Variants in FRMD5 observed in about 807,000 individuals in gnomAD.
FRMD5 encodes the protein FERM domain-containing protein 5.
Under a neutral mutation model 69.0 loss-of-function variants are expected in FRMD5, and 20 were observed. The observed-to-expected ratio is 0.29, with a 90% CI of 0.20 to 0.42. The LOEUF (loss-of-function observed/expected upper bound fraction) is 0.42, where lower values mean the gene tolerates loss of function less well. FRMD5 is among the 10% of genes least tolerant of loss of function. The pLI, the probability that FRMD5 is intolerant of heterozygous loss-of-function variation, is 1.00. For synonymous variants in FRMD5, 271 were observed against 260.1 expected (o/e 1.04, Z -0.40); for missense variants, 595 against 708.6 (o/e 0.84, Z 1.82).
intron 13 of FRMD5, chr15:43,879,461 C>T (rs1258814641): frequency 2.3e-5 from 9 of 398,826 alleles, no homozygotes; most frequent in South Asian, 1.3e-4. Flanking sequence ...GAAGGATCTG[C>T]GCTAACTGGC....
At chr15:43,991,771 C>T (rs760073829) in intron 1 of FRMD5, among the ~76,000 whole-genome samples, 14 of 152,336 alleles carry the variant, frequency 9.2e-5, no homozygotes, top group Admixed American at 4.6e-4. Context: ...GTTCTCCATT[C>T]TCCTGTTTTC....
chr15:43,955,498 T>G (rs142730877), intron 1 of FRMD5, among the ~76,000 whole-genome samples: 1 of 152,182 alleles, frequency 6.6e-6, no homozygotes, highest in East Asian at 1.9e-4. Flanking sequence ...TTCTTATTGA[T>G]GAGATTTCTA....
chr15:43,993,071 T>A (rs1301009166), intron 1 of FRMD5, among the ~76,000 whole-genome samples: 1 of 152,238 alleles, frequency 6.6e-6, no homozygotes, highest in African/African-American at 2.4e-5. Context: ...CTAAAATTCC[T>A]CCAGTTCTTA....
At chr15:43,972,230 C>T (rs530070468) in intron 1 of FRMD5, among the ~76,000 whole-genome samples, 244 of 151,964 alleles carry the variant, frequency 1.6e-3, no homozygotes, top group Non-Finnish European at 2.6e-3. Context: ...CAACCAACTC[C>T]ATCTCTCTCT....
chr15:44,195,142 C>T lies in FRMD5; in HGVS notation c.-88G>A. ...CAGCCCGGCAGCTCCGCACCGACCCCAGGCACCTGCACCATCACCCCGGCC... is the reference window on the plus strand; with the variant it reads ...CAGCCCGGCAGCTCCGCACCGACCCTAGGCACCTGCACCATCACCCCGGCC... On this transcript the variant is annotated 5_prime_UTR_variant, in exon 1 of 14. Transcript: ENST00000417257. 9.7e-7 allele frequency: 1 copy of T among 1,027,008 alleles called. No homozygotes were observed. The highest frequency in any genetic ancestry group is 1.6e-5 in the South Asian group (1 of 60,708). 63.6% of individuals were successfully genotyped at this position (1,027,008 alleles called of 1,614,324 possible).
In FRMD5 at chr15:43,951,980, TTGTGTGTGTGTGTGTGTGTC is replaced by T. The variant is rs1394405491; in HGVS notation, c.103-27691_103-27672del. 4.5e-4 allele frequency among the ~76,000 whole-genome samples: 49 copies of T among 107,728 alleles called. No individual in the cohort carries two copies. The East Asian group carries it at 6.8e-3, about 15-fold the overall frequency. The allele number at this position is 107,728 out of a possible 152,430, so 70.7% of individuals were successfully genotyped here. On this transcript the variant is annotated intron_variant, in intron 1 of 13. Transcript: ENST00000417257. ...ATGTGCATGTGTGTGTGTGTGTGTG[TTGTGTGTGTGTGTGTGTGTC>T]TGTGTGTGTGTGTGTGTGTGTGTGT...
chr15:43,872,914 G>A lies in FRMD5; in HGVS notation c.*971C>T, dbSNP rs1182773854. 5.7e-5 allele frequency: 25 copies of A among 442,404 alleles called. No individual in the cohort carries two copies. The highest frequency in any genetic ancestry group is 1.2e-4 in the South Asian group (2 of 17,240). The allele number at this position is 442,404 out of a possible 1,614,324, so 27.4% of individuals were successfully genotyped here. A position where few individuals can be genotyped will look rare whatever the true frequency, so the allele number is the denominator to read the frequency against. ...TTGAAATAGTCTTTGGGTCAAGGGG[G>A]TGTATATAAAATAAGCACTGCTATC... On this transcript the variant is annotated 3_prime_UTR_variant, in exon 14 of 14. Coordinates refer to ENST00000417257, the MANE Select transcript of FRMD5 (RefSeq NM_032892.5).
At chr15:44,179,231 C>T (rs1051202732) in intron 1 of FRMD5, among the ~76,000 whole-genome samples, 9 of 152,106 alleles carry the variant, frequency 5.9e-5, no homozygotes, top group African/African-American at 2.2e-4. Context: ...AATATAATTA[C>T]TAGAACTCTA....
chr15:44,074,165 T>C (rs951243837), intron 1 of FRMD5, among the ~76,000 whole-genome samples: 11 of 152,196 alleles, frequency 7.2e-5, no homozygotes, highest in Non-Finnish European at 1.6e-4. Context: ...AATGAGTAGT[T>C]TAGACAATAT....
chr15:43,873,323 T>A lies in FRMD5; in HGVS notation c.*562A>T. ...CATTCTACATGGATGTTTACTTTTTTAAAAGTTCTGGCTGGCAAAAAAAAC... is the reference window on the plus strand; with the variant it reads ...CATTCTACATGGATGTTTACTTTTTAAAAAGTTCTGGCTGGCAAAAAAAAC... On this transcript the variant is annotated 3_prime_UTR_variant, in exon 14 of 14. Coordinates refer to ENST00000417257, the MANE Select transcript of FRMD5 (RefSeq NM_032892.5). 6 of 1,502,252 alleles carry A rather than the reference T, an allele frequency of 4.0e-6. No individual in the cohort carries two copies. Among genetic ancestry groups the A allele is most frequent in the Admixed American group, 2.4e-5 (1 of 41,866 alleles). 93.1% of individuals were successfully genotyped at this position (1,502,252 alleles called of 1,614,324 possible). A position where few individuals can be genotyped will look rare whatever the true frequency, so the allele number is the denominator to read the frequency against.
At chr15:44,132,482 G>A (rs2077115822) in intron 1 of FRMD5, among the ~76,000 whole-genome samples, 1 of 152,142 alleles carries the variant, frequency 6.6e-6, no homozygotes, top group Non-Finnish European at 1.5e-5. Flanking sequence ...AGGCTGGGGT[G>A]CAGTGGCATG....
chr15:44,074,957 C>G (rs182787106), intron 1 of FRMD5, among the ~76,000 whole-genome samples: 16 of 152,190 alleles, frequency 1.1e-4, no homozygotes, highest in Admixed American at 8.5e-4. Flanking sequence ...CCATTGGGGT[C>G]CCTCTGAGCT....
chr15:44,012,438 T>C (rs8035212), intron 1 of FRMD5, among the ~76,000 whole-genome samples: 126,070 of 152,202 alleles, frequency 0.83, 54,892 homozygotes, highest in Non-Finnish European at 0.95. Flanking sequence ...TTCAAGTCTA[T>C]AGTAGAATAC....
intron 13 of FRMD5, among the ~76,000 whole-genome samples, chr15:43,881,864 A>G (rs1209358248): frequency 1.3e-5 from 2 of 152,132 alleles, no homozygotes; most frequent in African/African-American, 4.8e-5. Context: ...TAAAATCCTA[A>G]ACACAAATTA....
chr15:44,189,545 A>G (rs1040252876), intron 1 of FRMD5, among the ~76,000 whole-genome samples: 2 of 151,218 alleles, frequency 1.3e-5, no homozygotes, highest in South Asian at 4.2e-4. Context: ...CTGGAGTGCA[A>G]TGGTGCTATC....
chr15:44,101,146 C>T (rs1384046900), intron 1 of FRMD5, among the ~76,000 whole-genome samples: 1 of 133,766 alleles, frequency 7.5e-6, no homozygotes, highest in African/African-American at 3.1e-5. Flanking sequence ...GATACTCCAT[C>T]TCAAAAAAAA....
At chr15:43,908,585 G>C (rs760960032) in intron 5 of FRMD5, among the ~76,000 whole-genome samples, 10 of 152,116 alleles carry the variant, frequency 6.6e-5, no homozygotes, top group Middle Eastern at 3.2e-3. Context: ...ATTCTTTTGG[G>C]GAAACTTCAT....
intron 13 of FRMD5, among the ~76,000 whole-genome samples, chr15:43,883,056 A>G (rs1470840905): frequency 6.6e-6 from 1 of 151,818 alleles, no homozygotes; most frequent in East Asian, 1.9e-4. Context: ...TGAACCTCCC[A>G]AAGTGTTGGG....
At chr15:43,967,533 C>G (rs1483029021) in intron 1 of FRMD5, among the ~76,000 whole-genome samples, 1 of 152,048 alleles carries the variant, frequency 6.6e-6, no homozygotes. Context: ...ACCCAGACCA[C>G]TTTCAGAAAT....
Sources: allele counts gnomAD v4.1 joint callset (sites outside exome capture counted in the v4.1 genomes callset), GRCh38; gene constraint gnomAD v4.1.1; transcripts MANE v1.5; gene names NCBI Gene and HGNC (gene_info 2026-07-23, HGNC 2026-07-21).